Variants in TJP1 observed in about 807,000 individuals in gnomAD.
The protein encoded by TJP1 is tight junction protein ZO-1.
In TJP1, 43 loss-of-function variants were observed where a neutral mutation model predicts 194.2. The ratio of observed to expected loss-of-function variants is 0.22; its 90% CI spans 0.17 to 0.29. The LOEUF is 0.29. TJP1 is among the 10% of genes least tolerant of loss of function. The pLI is 1.00. For missense variants in TJP1, 1,971 were observed against 2,185.7 expected (o/e 0.90, Z 1.96); for synonymous variants, 801 against 779.0 (o/e 1.03, Z -0.47).
intron 2 of TJP1, among the ~76,000 whole-genome samples, chr15:29,836,162 T>C (rs2051021089): frequency 6.6e-6 from 1 of 152,186 alleles, no homozygotes; most frequent in African/African-American, 2.4e-5. Flanking sequence ...GGTACACTCT[T>C]CACTATCCTC....
At chr15:29,958,712 A>G (rs1351994628) in intron 1 of TJP1, among the ~76,000 whole-genome samples, 1 of 152,178 alleles carries the variant, frequency 6.6e-6, no homozygotes, top group Non-Finnish European at 1.5e-5. Flanking sequence ...CCTAGGGCTC[A>G]TGAGTATGCT....
rs75266103 is a variant in TJP1, at chr15:29,803,366, T to A, written c.28-2664A>T. ...CCACTACAGTATTCAAGAAATTATA[T>A]GAGATATTCAACACTTTATTGTGAA... is the stretch of plus-strand genomic sequence containing the variant. On this transcript the variant is annotated intron_variant, in intron 1 of 27. Coordinates refer to ENST00000614355, the MANE Select transcript of TJP1 (RefSeq NM_001330239.4). Among the ~76,000 whole-genome samples, 608 of 152,264 alleles carry A rather than the reference T, an allele frequency of 4.0e-3. 16 individuals carry two copies. The East Asian group carries it at 0.075, about 19-fold the overall frequency.
chr15:29,714,575 C>G (rs1402856634), intron 23 of TJP1, among the ~76,000 whole-genome samples: 2 of 114,538 alleles, frequency 1.7e-5, no homozygotes, highest in Non-Finnish European at 3.5e-5. Context: ...GAGTCTCACT[C>G]TGTTGCCCAA....
chr15:29,804,463 G>GA (rs1226574235), intron 1 of TJP1, among the ~76,000 whole-genome samples: 1 of 151,982 alleles, frequency 6.6e-6, no homozygotes, highest in Non-Finnish European at 1.5e-5. Context: ...ATTCCATAAA[G>GA]AAAAAATGTT....
intron 2 of TJP1, among the ~76,000 whole-genome samples, chr15:29,790,699 C>A (rs1384626347): frequency 6.6e-6 from 1 of 151,920 alleles, no homozygotes; most frequent in African/African-American, 2.4e-5. Context: ...TACCACCCTT[C>A]CCGGTCTCTG....
intron 1 of TJP1, among the ~76,000 whole-genome samples, chr15:29,963,628 A>ACC (rs1342543721): frequency 6.6e-6 from 1 of 151,720 alleles, no homozygotes; most frequent in Non-Finnish European, 1.5e-5. Flanking sequence ...ATGAAATCAC[A>ACC]CCCCCTTTTC....
chr15:29,843,193 T>C lies in TJP1; in HGVS notation c.307-42491A>G, dbSNP rs8029084. On this transcript the variant is annotated intron_variant, in intron 2 of 28. Coordinates refer to the TJP1 transcript ENST00000356107. ...TTTTTTCTTTTTTCTTTTCTTTTTT[T>C]TTTTCTTTTTTTGAGACGGAGTTTC... is the stretch of plus-strand genomic sequence containing the variant. Among the ~76,000 whole-genome samples the C allele has an allele frequency of 1.4e-4, 7 of 49,508 alleles. No individual in the cohort carries two copies. In the East Asian group the frequency reaches 3.6e-3, roughly 25 times the overall value. 32.5% of individuals were successfully genotyped at this position (49,508 alleles called of 152,430 possible). A position where few individuals can be genotyped will look rare whatever the true frequency, so the allele number is the denominator to read the frequency against.
chr15:29,891,551 A>G (rs909284653), intron 2 of TJP1, among the ~76,000 whole-genome samples: 1 of 152,190 alleles, frequency 6.6e-6, no homozygotes, highest in Non-Finnish European at 1.5e-5. Flanking sequence ...TCTGTTCAGC[A>G]TGTCTACTGG....
rs1595831086 is a variant in TJP1 at position 29,769,995 on chromosome 15, G to A, written c.312+2069C>T. ...AGAAGGCATTATTGTCACAGGAGAT[G>A]ATGGCTCCATGCGTGTTACTGCCCC... On this transcript the variant is annotated intron_variant, in intron 4 of 27. Coordinates refer to ENST00000614355, the MANE Select transcript of TJP1 (RefSeq NM_001330239.4). Among the ~76,000 whole-genome samples, 3 of 152,140 alleles carry A rather than the reference G, an allele frequency of 2.0e-5. No individual in the cohort carries two copies. In the East Asian group the frequency reaches 5.8e-4, roughly 29 times the overall value.
intron 8 of TJP1, among the ~76,000 whole-genome samples, chr15:29,756,786 G>A (rs1260704223): frequency 6.6e-6 from 1 of 152,122 alleles, no homozygotes; most frequent in Non-Finnish European, 1.5e-5. Flanking sequence ...TTGGGTCAAA[G>A]AGCCAACAGT....
chr15:29,833,881 A>ATATATT (rs1555434000), intron 2 of TJP1, among the ~76,000 whole-genome samples: 2 of 12,616 alleles, frequency 1.6e-4, no homozygotes, highest in African/African-American at 6.0e-4. Flanking sequence ...ATATATATAT[A>ATATATT]TTTTTTTTTT....
At chr15:29,703,146 G>A (rs566306073) in intron 27 of TJP1, among the ~76,000 whole-genome samples, 5 of 152,138 alleles carry the variant, frequency 3.3e-5, no homozygotes, top group Admixed American at 1.3e-4. Context: ...GTATACATAC[G>A]TTGTAGATTA....
intron 2 of TJP1, among the ~76,000 whole-genome samples, chr15:29,785,287 C>A (rs2047630094): frequency 6.6e-6 from 1 of 152,130 alleles, no homozygotes; most frequent in South Asian, 2.1e-4. Context: ...TATGTTAGAA[C>A]TTGGAAACAG....
At chr15:29,741,235 TAAAAAATATATGC>T in intron 10 of TJP1, 83 bp downstream of exon 10, 1 of 884,350 alleles carries the variant, frequency 1.1e-6, no homozygotes, top group Non-Finnish European at 1.8e-6. Flanking sequence ...TGTACTATTT[TAAAAAATATATGC>T]AATATGGTTT....
intron 2 of TJP1, among the ~76,000 whole-genome samples, chr15:29,908,749 C>A (rs972801071): frequency 1.7e-4 from 26 of 152,236 alleles, no homozygotes; most frequent in African/African-American, 5.8e-4. Context: ...CCGGGCACAG[C>A]AGCTCATGCC....
At chr15:29,815,111 A>C (rs181617977) in intron 1 of TJP1, among the ~76,000 whole-genome samples, 9 of 152,326 alleles carry the variant, frequency 5.9e-5, no homozygotes, top group African/African-American at 1.7e-4. Context: ...CTCATTATTA[A>C]GAATTTATCT....
chr15:29,781,662 T>C (rs1318414732), intron 2 of TJP1, among the ~76,000 whole-genome samples: 1 of 152,188 alleles, frequency 6.6e-6, no homozygotes, highest in African/African-American at 2.4e-5. Context: ...TGGTTCAACA[T>C]ATGCAAATCA....
intron 15 of TJP1, among the ~76,000 whole-genome samples, chr15:29,731,960 T>A (rs2043691912): frequency 6.6e-6 from 1 of 152,212 alleles, no homozygotes; most frequent in Non-Finnish European, 1.5e-5. Flanking sequence ...TTACCCTTTT[T>A]AACTATTTGT....
At position 29,944,596 on chromosome 15, in the gene TJP1, A is replaced by G. The variant is rs762008680; in HGVS notation, c.306+11636T>C. 7.9e-5 allele frequency among the ~76,000 whole-genome samples: 12 copies of G among 152,124 alleles called. 1 individual carries two copies. Among genetic ancestry groups the G allele is most frequent in the Non-Finnish European group, 1.8e-4 (12 of 68,032 alleles). ...TAAAGCCAATATAATCCCTTGTTCA[A>G]TTTTCTCTAAAGTACACGAAACAGC... On this transcript the variant is annotated intron_variant, in intron 2 of 28. Transcript: ENST00000356107.
Sources: gnomAD v4.1 joint callset for allele counts (sites outside exome capture counted in the v4.1 genomes callset) on GRCh38, gnomAD v4.1.1 for gene constraint, MANE v1.5 for transcripts, NCBI Gene and HGNC (gene_info 2026-07-23, HGNC 2026-07-21) for gene names.